The following RRBP1 variants were observed in gnomAD, a reference collection of about 807,000 sequenced individuals.
RRBP1 encodes ribosome binding protein 1.
A neutral mutation model predicts 165.2 loss-of-function variants in RRBP1; 94 were observed. That is an observed-to-expected ratio of 0.57 (90% CI 0.48 to 0.68). RRBP1 has a LOEUF of 0.68. Among genes scored for constraint, RRBP1 ranks in the 30% least tolerant of loss-of-function variants. The probability of loss-of-function intolerance (pLI) is 0.00; values close to 1 mark genes in which losing one functional copy is unlikely to be tolerated. For missense variants in RRBP1, 1,676 were observed against 1,763.0 expected (o/e 0.95, Z 0.88); for synonymous variants, 680 against 714.5 (o/e 0.95, Z 0.77).
In RRBP1 at chr20:17,618,592, C is replaced by CT. The variant is rs1343569754; in HGVS notation, c.3759+3dup. ...CCTGGCATGGGGACATGGAGGCCAC[C>CT]TACCAGGGCAAGCTCATCGCTCTGT... is the stretch of plus-strand genomic sequence containing the variant. On this transcript the variant is annotated splice_donor_region_variant and intron_variant, in intron 20 of 24. Coordinates refer to ENST00000377813, the MANE Select transcript of RRBP1 (RefSeq NM_001365613.2). 6.2e-7 allele frequency: 1 copy of CT among 1,613,172 alleles called. No individual in the cohort carries two copies.
At chr20:17,639,039 C>G (rs947235948) in intron 5 of RRBP1, among the ~76,000 whole-genome samples, 16 of 152,238 alleles carry the variant, frequency 1.1e-4, no homozygotes, top group African/African-American at 3.9e-4. Context: ...AAAGCCAGAA[C>G]ACGGGACCAA....
At chr20:17,648,157 C>T (rs947478579) in intron 3 of RRBP1, among the ~76,000 whole-genome samples, 5 of 152,218 alleles carry the variant, frequency 3.3e-5, no homozygotes, top group African/African-American at 1.2e-4. Flanking sequence ...AGGGTCCCAC[C>T]CCGAGGTGGG....
rs762698451 is a variant in RRBP1, at chr20:17,615,811, C to T, written c.3951+115G>A. On this transcript the variant is annotated intron_variant, in intron 22 of 24. Coordinates refer to ENST00000377813, the MANE Select transcript of RRBP1 (RefSeq NM_001365613.2). Reference sequence around the variant, plus strand: ...CCCACTGCTGCCCAGAAGGCCCAGGCCCAGCCCAGGTGCTGCTGGGCACAG... The same window carrying T: ...CCCACTGCTGCCCAGAAGGCCCAGGTCCAGCCCAGGTGCTGCTGGGCACAG... 2.5e-5 allele frequency: 24 copies of T among 944,078 alleles called. 1 individual carries two copies. Among genetic ancestry groups the T allele is most frequent in the Non-Finnish European group, 3.2e-5 (20 of 631,878 alleles). 58.5% of individuals were successfully genotyped at this position (944,078 alleles called of 1,614,324 possible). A position where few individuals can be genotyped will look rare whatever the true frequency, so the allele number is the denominator to read the frequency against.
intron 19 of RRBP1, 31 bp from the exon 20 acceptor site, chr20:17,618,710 A>T: frequency 6.5e-7 from 1 of 1,546,260 alleles, no homozygotes; most frequent in Non-Finnish European, 8.9e-7. Context: ...GGGTGATGGG[A>T]AAAAAGGAGA....
At chr20:17,631,558 G>C (rs530790845) in intron 8 of RRBP1, among the ~76,000 whole-genome samples, 2 of 152,392 alleles carry the variant, frequency 1.3e-5, no homozygotes, top group East Asian at 1.9e-4. Flanking sequence ...CAATCACACT[G>C]AACAATTTCA....
chr20:17,628,797 A>G (rs1221225464), intron 9 of RRBP1, among the ~76,000 whole-genome samples: 2 of 152,216 alleles, frequency 1.3e-5, no homozygotes, highest in African/African-American at 2.4e-5. Context: ...AGCCCTCTGG[A>G]GCAGGGGCCG....
intron 8 of RRBP1, 78 bp from the exon 9 acceptor site, chr20:17,630,039 A>G: frequency 6.7e-7 from 1 of 1,481,896 alleles, no homozygotes; most frequent in South Asian, 1.2e-5. Flanking sequence ...GGAGGCGGAC[A>G]GAGCTCTTTA....
intron 2 of RRBP1, among the ~76,000 whole-genome samples, chr20:17,676,377 A>G (rs935875641): frequency 1.3e-5 from 2 of 152,138 alleles, no homozygotes; most frequent in African/African-American, 4.8e-5. Flanking sequence ...TGTGGCCTGA[A>G]AGGTGGAGCT....
intron 3 of RRBP1, among the ~76,000 whole-genome samples, chr20:17,656,665 C>G (rs902605670): frequency 1.3e-5 from 2 of 152,146 alleles, no homozygotes; most frequent in African/African-American, 4.8e-5. Flanking sequence ...GACTGGCCTT[C>G]TAAAATCCAC....
rs1164968930 is a variant in RRBP1 at position 17,625,511 on chromosome 20, C to T, written c.3054+1G>A. Reference sequence around the variant, plus strand: ...TCCCCGCCTGTGCCTGCCGCACTCACATTGTTCTTCACTTTCTGCTGCTCG... The same window carrying T: ...TCCCCGCCTGTGCCTGCCGCACTCATATTGTTCTTCACTTTCTGCTGCTCG... On this transcript the variant is annotated splice_donor_variant, in intron 12 of 24. Transcript: ENST00000377813. LOFTEE classifies it high-confidence loss of function. 1 of 1,613,642 alleles carries T rather than the reference C, an allele frequency of 6.2e-7. No homozygotes were observed. Among genetic ancestry groups the T allele is most frequent in the Admixed American group, 1.7e-5 (1 of 60,008 alleles).
At chr20:17,638,650 T>C (rs549066463) in intron 5 of RRBP1, among the ~76,000 whole-genome samples, 6 of 152,162 alleles carry the variant, frequency 3.9e-5, no homozygotes, top group Non-Finnish European at 8.8e-5. Flanking sequence ...GGGTTCCTTC[T>C]GCTTGTCAAA....
chr20:17,628,248 AC>A, intron 9 of RRBP1, among the ~76,000 whole-genome samples: 1 of 151,774 alleles, frequency 6.6e-6, no homozygotes, highest in East Asian at 1.9e-4. Context: ...ACTCTCCCCA[AC>A]CCCAGGCTCT....
At chr20:17,616,515 C>T (rs1252589317) in intron 21 of RRBP1, among the ~76,000 whole-genome samples, 2 of 152,196 alleles carry the variant, frequency 1.3e-5, no homozygotes, top group African/African-American at 4.8e-5. Context: ...GTCCCACCTC[C>T]CCCCAACTCC....
intron 16 of RRBP1, among the ~76,000 whole-genome samples, chr20:17,621,229 G>A (rs575660177): frequency 6.6e-6 from 1 of 152,302 alleles, no homozygotes; most frequent in Admixed American, 6.5e-5. Context: ...CCCTTCCCCA[G>A]CTTAGAGACC....
chr20:17,681,119 G>C (rs1438873880), intron 1 of RRBP1, among the ~76,000 whole-genome samples: 1 of 151,404 alleles, frequency 6.6e-6, no homozygotes, highest in Non-Finnish European at 1.5e-5. Flanking sequence ...GCACCAGGCC[G>C]GGTGCCAGCG....
At chr20:17,678,548 A>G (rs2037123567) in intron 2 of RRBP1, among the ~76,000 whole-genome samples, 1 of 152,206 alleles carries the variant, frequency 6.6e-6, no homozygotes, top group Admixed American at 6.5e-5. Context: ...GGGCAATTTC[A>G]TGTGGTTCAA....
Position 17,658,589 on chromosome 20 carries a change from T to C in RRBP1, c.1912+7A>G, listed in dbSNP as rs1183419068. 3 of 1,577,526 alleles carry C rather than the reference T, an allele frequency of 1.9e-6. No individual in the cohort carries two copies. The highest frequency in any genetic ancestry group is 2.6e-6 in the Non-Finnish European group (3 of 1,165,012). On this transcript the variant is annotated splice_region_variant and intron_variant, in intron 3 of 24. Coordinates refer to ENST00000377813, the MANE Select transcript of RRBP1 (RefSeq NM_001365613.2). Reference sequence around the variant, plus strand: ...CTTCTAAGTTCATAAAGAAATCAGTTACTTACCAGGCTCACCTTTTTTCTT... The same window carrying C: ...CTTCTAAGTTCATAAAGAAATCAGTCACTTACCAGGCTCACCTTTTTTCTT...
chr20:17,661,582 A>G (rs1482813555), intron 2 of RRBP1, among the ~76,000 whole-genome samples: 1 of 152,236 alleles, frequency 6.6e-6, no homozygotes, highest in African/African-American at 2.4e-5. Context: ...GAGGAACTCC[A>G]GGAGGTGTAT....
In RRBP1 at chr20:17,620,711, A is replaced by C. The variant is rs952277861; in HGVS notation, c.3507+4T>G. ...CGCCGGGAGGCAGGCAGGGCTGCAT[A>C]TACCTTCTGGAGCTCCTCCTCTGCG... is the stretch of plus-strand genomic sequence containing the variant. On this transcript the variant is annotated splice_donor_region_variant and intron_variant, in intron 17 of 24. Transcript: ENST00000377813. 3.7e-6 allele frequency: 6 copies of C among 1,601,082 alleles called. No homozygotes were observed. Among genetic ancestry groups the C allele is most frequent in the Non-Finnish European group, 5.1e-6 (6 of 1,176,960 alleles).
Sources: gnomAD v4.1 joint callset for allele counts (sites outside exome capture counted in the v4.1 genomes callset) on GRCh38, gnomAD v4.1.1 for gene constraint, MANE v1.5 for transcripts, NCBI Gene and HGNC (gene_info 2026-07-23, HGNC 2026-07-21) for gene names.